The following SUZ12 variants were observed in gnomAD, a reference collection of about 807,000 sequenced individuals.
SUZ12 encodes the protein SUZ12 polycomb repressive complex 2 subunit, also known as polycomb protein SUZ12.
A neutral mutation model predicts 87.3 loss-of-function variants in SUZ12; 17 were observed. That is an observed-to-expected ratio of 0.19 (90% CI 0.13 to 0.29). SUZ12 has a LOEUF of 0.29. SUZ12 is among the 10% of genes least tolerant of loss of function. SUZ12 has a pLI of 1.00. For missense variants in SUZ12, 526 were observed against 912.2 expected (o/e 0.58, Z 5.45); for synonymous variants, 253 against 312.4 (o/e 0.81, Z 2.01).
chr17:31,988,259 C>T, intron 9 of SUZ12, 61 bp from the exon 10 acceptor site: 1 of 1,435,520 alleles, frequency 7.0e-7, no homozygotes, highest in Non-Finnish European at 9.3e-7. Flanking sequence ...TTTTTAATTT[C>T]TACAATTTAT....
intron 9 of SUZ12, among the ~76,000 whole-genome samples, chr17:31,985,617 A>G (rs1909362110): frequency 6.6e-6 from 1 of 151,068 alleles, no homozygotes; most frequent in Admixed American, 6.6e-5. Flanking sequence ...TAAGGATTAT[A>G]TATATGAAGA....
chr17:31,998,580 CTTA>C (rs555784197), intron 15 of SUZ12, 75 bp from the exon 16 acceptor site: 125 of 1,002,004 alleles, frequency 1.2e-4, no homozygotes, highest in Non-Finnish European at 1.6e-4. Context: ...TGGATATAGT[CTTA>C]TTATAATGGT....
intron 9 of SUZ12, among the ~76,000 whole-genome samples, chr17:31,984,213 C>T (rs139420222): frequency 9.3e-4 from 142 of 152,254 alleles, no homozygotes; most frequent in Middle Eastern, 3.4e-3. Context: ...ATCATTCAAG[C>T]ATATCATTCA....
rs1176036980 is a variant in SUZ12, at chr17:31,975,791, T to C, written c.823+78T>C. Reference sequence around the variant, plus strand: ...AAATGATTGTACCAGTGTTCCTTCATGATAGTCATGGTGCTGAGTCTTAAA... The same window carrying C: ...AAATGATTGTACCAGTGTTCCTTCACGATAGTCATGGTGCTGAGTCTTAAA... On this transcript the variant is annotated intron_variant, in intron 7 of 15. Transcript: ENST00000322652. The C allele has an allele frequency of 6.0e-6, 7 of 1,166,554 alleles. No homozygotes were observed. In the African/African-American group the frequency reaches 7.8e-5, roughly 13 times the overall value. The allele number at this position is 1,166,554 out of a possible 1,614,324, so 72.3% of individuals were successfully genotyped here. A position where few individuals can be genotyped will look rare whatever the true frequency, so the allele number is the denominator to read the frequency against.
intron 8 of SUZ12, among the ~76,000 whole-genome samples, chr17:31,982,096 A>G (rs566702276): frequency 2.0e-5 from 3 of 152,356 alleles, no homozygotes; most frequent in Non-Finnish European, 2.9e-5. Context: ...ATAGACACAT[A>G]TGTACACACA....
Position 31,940,406 on chromosome 17 carries a change from A to G in SUZ12, c.322-16A>G. ...ATCTGTATTCAATTTTAACATTTTT[A>G]AAACTCTTTTTGTAGCCAATATTTT... On this transcript the variant is annotated splice_polypyrimidine_tract_variant and intron_variant, in intron 2 of 15. Coordinates refer to ENST00000322652, the MANE Select transcript of SUZ12 (RefSeq NM_015355.4). The G allele has an allele frequency of 6.3e-7, 1 of 1,587,616 alleles. No individual in the cohort carries two copies. The highest frequency in any genetic ancestry group is 1.9e-5 in the Admixed American group (1 of 53,826).
intron 3 of SUZ12, among the ~76,000 whole-genome samples, chr17:31,944,564 A>G (rs1333311702): frequency 6.6e-6 from 1 of 152,088 alleles, no homozygotes; most frequent in Non-Finnish European, 1.5e-5. Flanking sequence ...TGATTTTCTT[A>G]ATTATTGCCC....
At chr17:31,944,060 T>C (rs1175806041) in intron 3 of SUZ12, among the ~76,000 whole-genome samples, 1 of 152,092 alleles carries the variant, frequency 6.6e-6, no homozygotes, top group Non-Finnish European at 1.5e-5. Flanking sequence ...TGATCTTAAT[T>C]TACAAAGTAA....
chr17:31,996,281 T>G (rs577291822), intron 14 of SUZ12, among the ~76,000 whole-genome samples: 2 of 152,310 alleles, frequency 1.3e-5, no homozygotes, highest in South Asian at 2.1e-4. Flanking sequence ...TTGTGTGTTT[T>G]CATTTCTATA....
chr17:31,963,536 C>T (rs1157549296), intron 4 of SUZ12, among the ~76,000 whole-genome samples: 2 of 151,926 alleles, frequency 1.3e-5, no homozygotes, highest in East Asian at 3.9e-4. Context: ...CTCACTCTGT[C>T]GCCCATGCTG....
chr17:31,940,874 G>A (rs1906233496), intron 3 of SUZ12, among the ~76,000 whole-genome samples: 2 of 151,856 alleles, frequency 1.3e-5, no homozygotes. Context: ...GCTGGGCGTG[G>A]TGGTGTGTGC....
At position 31,996,788 on chromosome 17, in the gene SUZ12, T is replaced by C; in HGVS notation, c.1795-10T>C. On this transcript the variant is annotated splice_polypyrimidine_tract_variant and intron_variant, in intron 14 of 15. Coordinates refer to ENST00000322652, the MANE Select transcript of SUZ12 (RefSeq NM_015355.4). ...TGTGTTTAATAGGTGTTTTTCTTTC[T>C]TTTTCCCAGCAAATTGAAGAGTTTT... 2 of 1,533,442 alleles carry C rather than the reference T, an allele frequency of 1.3e-6. No homozygotes were observed. Among genetic ancestry groups the C allele is most frequent in the South Asian group, 1.3e-5 (1 of 76,618 alleles). The allele number at this position is 1,533,442 out of a possible 1,614,324, so 95.0% of individuals were successfully genotyped here.
chr17:31,945,348 C>G (rs765657587), intron 3 of SUZ12, among the ~76,000 whole-genome samples: 2 of 152,086 alleles, frequency 1.3e-5, no homozygotes, highest in Admixed American at 6.6e-5. Context: ...GATATTAATT[C>G]TGGTATATTT....
intron 3 of SUZ12, among the ~76,000 whole-genome samples, chr17:31,941,967 C>T (rs894432004): frequency 1.3e-5 from 2 of 152,064 alleles, no homozygotes; most frequent in African/African-American, 2.4e-5. Flanking sequence ...ATTCTCCTGC[C>T]TCAGCCTCCC....
chr17:31,977,673 G>A (rs1393388963), intron 8 of SUZ12, among the ~76,000 whole-genome samples: 1 of 152,110 alleles, frequency 6.6e-6, no homozygotes, highest in East Asian at 1.9e-4. Flanking sequence ...GGTGGATCAC[G>A]AGGTCAGGAG....
At chr17:31,942,645 G>T (rs555534065) in intron 3 of SUZ12, among the ~76,000 whole-genome samples, 2 of 152,110 alleles carry the variant, frequency 1.3e-5, no homozygotes, top group African/African-American at 4.8e-5. Flanking sequence ...CCTTGGTGGT[G>T]GTCTTATTGA....
At chr17:31,951,442 A>T (rs908659815) in intron 4 of SUZ12, among the ~76,000 whole-genome samples, 2 of 151,348 alleles carry the variant, frequency 1.3e-5, no homozygotes, top group African/African-American at 2.4e-5. Flanking sequence ...TGGTGGAAGG[A>T]GGTGATAGAA....
At chr17:31,960,619 C>T (rs1170544425) in intron 4 of SUZ12, among the ~76,000 whole-genome samples, 1 of 152,010 alleles carries the variant, frequency 6.6e-6, no homozygotes, top group African/African-American at 2.4e-5. Context: ...GCTCTGTCAC[C>T]TAGGCTGGAG....
intron 10 of SUZ12, among the ~76,000 whole-genome samples, chr17:31,990,312 G>A (rs899612379): frequency 2.7e-5 from 4 of 150,464 alleles, no homozygotes; most frequent in Admixed American, 2.0e-4. Flanking sequence ...GGGTTTCACC[G>A]TGTTAGCCAG....
Sources: gnomAD v4.1 joint callset for allele counts (sites outside exome capture counted in the v4.1 genomes callset) on GRCh38, gnomAD v4.1.1 for gene constraint, MANE v1.5 for transcripts, NCBI Gene and HGNC (gene_info 2026-07-23, HGNC 2026-07-21) for gene names.